STEAP1B: variants seen among roughly 807,000 people sequenced by gnomAD.
STEAP1B encodes the protein STEAP family protein MGC87042.
STEAP1B carries 13 observed loss-of-function variants against 27.9 expected under a neutral mutation model. The observed-to-expected ratio is 0.47, with a 90% confidence interval of 0.30 to 0.74. The LOEUF (loss-of-function observed/expected upper bound fraction) is 0.74. Among genes scored for constraint, STEAP1B ranks in the 30% least tolerant of loss-of-function variants. The pLI, the probability that STEAP1B is intolerant of heterozygous loss-of-function variation, is 0.06. For synonymous variants in STEAP1B, 86 were observed against 107.1 expected, an observed-to-expected ratio of 0.80 and a Z score of 1.22; for missense variants, 250 against 298.7, an observed-to-expected ratio of 0.84 and a Z score of 1.20.
chr7:22,449,637 T>C (rs2128404067), intron 4 of STEAP1B, among the ~76,000 whole-genome samples: 1 of 152,340 alleles, frequency 6.6e-6, no homozygotes, highest in South Asian at 2.1e-4. Flanking sequence ...ATATAGTAAT[T>C]TCCTTTCTTT....
chr7:22,442,012 AC>A (rs1272721894), intron 4 of STEAP1B, among the ~76,000 whole-genome samples: 2 of 151,562 alleles, frequency 1.3e-5, no homozygotes, highest in African/African-American at 4.9e-5. Flanking sequence ...GGATTTGGCC[AC>A]CCTGGGATTT....
At chr7:22,498,002 G>C (rs1245963606) in intron 1 of STEAP1B, among the ~76,000 whole-genome samples, 3 of 152,196 alleles carry the variant, frequency 2.0e-5, no homozygotes, top group Admixed American at 6.5e-5. Context: ...GCAATAGTTA[G>C]ATTCTCATAA....
At chr7:22,451,818 T>C (rs1164089133) in intron 4 of STEAP1B, among the ~76,000 whole-genome samples, 3 of 152,234 alleles carry the variant, frequency 2.0e-5, no homozygotes, top group African/African-American at 7.2e-5. Context: ...GCAGCAATAT[T>C]CATAGGTATT....
At chr7:22,441,284 T>A (rs1475323897) in intron 4 of STEAP1B, among the ~76,000 whole-genome samples, 1 of 152,208 alleles carries the variant, frequency 6.6e-6, no homozygotes. Context: ...TCAGATTGTT[T>A]ATGCATCATT....
chr7:22,498,226 G>C (rs1334876299), intron 1 of STEAP1B, among the ~76,000 whole-genome samples: 3 of 151,434 alleles, frequency 2.0e-5, no homozygotes, highest in Non-Finnish European at 4.4e-5. Flanking sequence ...CTGCACTAAC[G>C]TGACAACAGC....
At chr7:22,490,557 T>C (rs191602263) in intron 4 of STEAP1B, among the ~76,000 whole-genome samples, 84 of 152,346 alleles carry the variant, frequency 5.5e-4, no homozygotes, top group Admixed American at 5.4e-3. Context: ...GGAACATGCA[T>C]ACTATTTTGT....
At chr7:22,496,342 G>A (rs1476830056) in intron 1 of STEAP1B, among the ~76,000 whole-genome samples, 1 of 152,102 alleles carries the variant, frequency 6.6e-6, no homozygotes, top group Non-Finnish European at 1.5e-5. Context: ...GTTACAGTAA[G>A]CTAAAGTTAA....
intron 4 of STEAP1B, among the ~76,000 whole-genome samples, chr7:22,430,620 G>A (rs556466299): frequency 2.0e-5 from 3 of 152,302 alleles, no homozygotes; most frequent in African/African-American, 7.2e-5. Flanking sequence ...TGAGTCCAAA[G>A]GCTTGTTTTC....
Position 22,492,671 on chromosome 7 carries a change from T to A in STEAP1B, c.656A>T (p.Tyr219Phe), listed in dbSNP as rs768576536. 3.2e-5 allele frequency: 52 copies of A among 1,613,488 alleles called. 1 individual carries two copies. The Admixed American group carries it at 3.3e-4, about 10-fold the overall frequency. Residue 219 changes from tyrosine (Y) to phenylalanine (F), a missense_variant, in exon 4 of 5, where the codon TAT becomes TTT. Physicochemically the swap from Tyr to Phe is conservative, Grantham distance 22. Transcript: ENST00000678116. Reference protein sequence around the residue: ...IEHDVWRMEIYVSLGIVGLAI... With the variant: ...IEHDVWRMEIFVSLGIVGLAI... ...CAGTCCCACAATTCCCAGAGACACA[T>A]AAATCTCCATTCTCCAAACATCATG...
intron 4 of STEAP1B, among the ~76,000 whole-genome samples, chr7:22,485,345 AC>A (rs1210924907): frequency 1.3e-5 from 2 of 152,176 alleles, no homozygotes; most frequent in African/African-American, 4.8e-5. Context: ...TTGAAGCAAG[AC>A]CTCCACCAGC....
chr7:22,472,812 T>C (rs79527052), intron 4 of STEAP1B, among the ~76,000 whole-genome samples: 1,740 of 152,230 alleles, frequency 0.011, 30 homozygotes, highest in East Asian at 0.088. Flanking sequence ...TGGGAGGCTA[T>C]GCAGGAGAAT....
chr7:22,479,061 G>A (rs962317587), intron 4 of STEAP1B, among the ~76,000 whole-genome samples: 8 of 152,172 alleles, frequency 5.3e-5, no homozygotes, highest in Admixed American at 6.5e-5. Flanking sequence ...AAGCACCCGA[G>A]ATTAAACTCC....
At chr7:22,480,358 G>A (rs1005584372) in intron 4 of STEAP1B, among the ~76,000 whole-genome samples, 1 of 152,214 alleles carries the variant, frequency 6.6e-6, no homozygotes, top group African/African-American at 2.4e-5. Flanking sequence ...ACACTATTCT[G>A]AGACTGTAGT....
At chr7:22,449,162 T>C (rs1447451811) in intron 4 of STEAP1B, among the ~76,000 whole-genome samples, 1 of 152,212 alleles carries the variant, frequency 6.6e-6, no homozygotes, top group African/African-American at 2.4e-5. Context: ...CTCTTTCAGA[T>C]TTTTTAAATG....
chr7:22,482,317 C>A (rs777956875), intron 4 of STEAP1B, among the ~76,000 whole-genome samples: 1 of 152,136 alleles, frequency 6.6e-6, no homozygotes, highest in Non-Finnish European at 1.5e-5. Flanking sequence ...ATAGAGGATG[C>A]CCTATTAAAT....
chr7:22,435,412 A>C (rs1322031310), intron 4 of STEAP1B, among the ~76,000 whole-genome samples: 2 of 152,138 alleles, frequency 1.3e-5, no homozygotes, highest in East Asian at 3.9e-4. Context: ...CGAAAATAAA[A>C]GCAAGTTCAA....
At chr7:22,478,083 G>A (rs750107388) in intron 4 of STEAP1B, among the ~76,000 whole-genome samples, 45 of 152,142 alleles carry the variant, frequency 3.0e-4, no homozygotes, top group Non-Finnish European at 4.4e-4. Flanking sequence ...TGGGGTGGGC[G>A]CTCAGGGGAA....
intron 4 of STEAP1B, among the ~76,000 whole-genome samples, chr7:22,477,438 CACTGAGGAAACAG>C (rs1785991848): frequency 6.6e-6 from 1 of 152,074 alleles, no homozygotes; most frequent in Non-Finnish European, 1.5e-5. Context: ...ATTATCTAAC[CACTGAGGAAACAG>C]ATTCTGAGAA....
intron 4 of STEAP1B, among the ~76,000 whole-genome samples, chr7:22,485,366 A>G (rs1786184227): frequency 6.6e-6 from 1 of 152,240 alleles, no homozygotes; most frequent in Admixed American, 6.5e-5. Context: ...CAAAAAGATG[A>G]CTCACTGAAA....
Sources: allele counts gnomAD v4.1 joint callset (sites outside exome capture counted in the v4.1 genomes callset), GRCh38; gene constraint gnomAD v4.1.1; transcripts MANE v1.5; gene names NCBI Gene and HGNC (gene_info 2026-07-23, HGNC 2026-07-21).